The following RAPGEF5 variants were observed in gnomAD, a reference collection of about 807,000 sequenced individuals.
RAPGEF5 encodes the protein M-Ras-regulated GEF.
Under a neutral mutation model 125.2 loss-of-function variants are expected in RAPGEF5, and 65 were observed. That is an observed-to-expected ratio of 0.52 (90% CI 0.43 to 0.64). The LOEUF is 0.64. RAPGEF5 is among the 30% of genes least tolerant of loss of function. RAPGEF5 has a pLI of 0.00. For synonymous variants in RAPGEF5, 391 were observed against 385.9 expected (o/e 1.01, Z -0.16); for missense variants, 958 against 1,048.1 (o/e 0.91, Z 1.19).
intron 25 of RAPGEF5, among the ~76,000 whole-genome samples, chr7:22,123,367 G>T (rs1312417890): frequency 6.6e-6 from 1 of 152,160 alleles, no homozygotes; most frequent in Non-Finnish European, 1.5e-5. Context: ...ACCATTTGAG[G>T]CTGGGGAACA....
intron 7 of RAPGEF5, among the ~76,000 whole-genome samples, chr7:22,247,339 C>A (rs746340078): frequency 2.6e-5 from 4 of 152,188 alleles, no homozygotes; most frequent in African/African-American, 4.8e-5. Flanking sequence ...TTTGCTGCAT[C>A]CCCACCCAAA....
chr7:22,146,073 A>T (rs1783431185), intron 19 of RAPGEF5, among the ~76,000 whole-genome samples: 1 of 152,178 alleles, frequency 6.6e-6, no homozygotes, highest in African/African-American at 2.4e-5. Flanking sequence ...TTCCAAAGAC[A>T]CAAGTCATTT....
At chr7:22,306,343 A>C (rs4719690) in intron 5 of RAPGEF5, among the ~76,000 whole-genome samples, 40,640 of 152,072 alleles carry the variant, frequency 0.27, 6,104 homozygotes, top group East Asian at 0.67. Flanking sequence ...CCTTTTCATA[A>C]ACCTGTTTGT....
At chr7:22,302,848 A>G (rs908458103) in intron 5 of RAPGEF5, among the ~76,000 whole-genome samples, 16 of 151,306 alleles carry the variant, frequency 1.1e-4, no homozygotes, top group Non-Finnish European at 2.2e-4. Flanking sequence ...CACTTAGAGA[A>G]AAACAAAGAA....
At position 22,121,440 on chromosome 7, in the gene RAPGEF5, T is replaced by G. The variant is rs2128095546; in HGVS notation, c.*966A>C. On this transcript the variant is annotated 3_prime_UTR_variant, in exon 26 of 26. Coordinates refer to ENST00000665637, the MANE Select transcript of RAPGEF5 (RefSeq NM_012294.5). The stretch of plus-strand genomic sequence containing the variant: ...TGTCACTTAACCTCCCTGCACTGGC[T>G]GCTGTCATTCCATAGTGTGGGCAAG... The G allele has an allele frequency of 6.6e-6, 1 of 152,326 alleles. No individual in the cohort carries two copies. Among genetic ancestry groups the G allele is most frequent in the East Asian group, 1.9e-4 (1 of 5,184 alleles). 9.4% of individuals were successfully genotyped at this position (152,326 alleles called of 1,614,324 possible). A position where few individuals can be genotyped will look rare whatever the true frequency, so the allele number is the denominator to read the frequency against.
chr7:22,346,660 A>G (rs1784230463), intron 1 of RAPGEF5, among the ~76,000 whole-genome samples: 1 of 152,216 alleles, frequency 6.6e-6, no homozygotes, highest in Non-Finnish European at 1.5e-5. Context: ...ATTCAACTGA[A>G]CAACAAAACC....
At chr7:22,165,547 TCC>T in intron 12 of RAPGEF5, among the ~76,000 whole-genome samples, 1 of 152,294 alleles carries the variant, frequency 6.6e-6, no homozygotes, top group South Asian at 2.1e-4. Context: ...ATTGAAACTT[TCC>T]AAATTCAAAA....
At chr7:22,238,362 G>T (rs1178007748) in intron 7 of RAPGEF5, among the ~76,000 whole-genome samples, 2 of 152,162 alleles carry the variant, frequency 1.3e-5, no homozygotes, top group African/African-American at 4.8e-5. Context: ...TTGACAAATT[G>T]TAGTTGTGTT....
Position 22,233,138 on chromosome 7 carries a change from G to C in RAPGEF5, c.797-2219C>G, listed in dbSNP as rs1009444566. Among the ~76,000 whole-genome samples, 3 of 152,086 alleles carry C rather than the reference G, an allele frequency of 2.0e-5. No homozygotes were observed. The East Asian group carries it at 5.8e-4, about 29-fold the overall frequency. On this transcript the variant is annotated intron_variant, in intron 7 of 25. Coordinates refer to ENST00000665637, the MANE Select transcript of RAPGEF5 (RefSeq NM_012294.5). ...ACTATAAAGGGAAAAATAAAACATA[G>C]AATAACATCCTAAATTCCACTTAAA... is the stretch of plus-strand genomic sequence containing the variant.
Position 22,233,529 on chromosome 7 carries a change from T to G in RAPGEF5, c.797-2610A>C, listed in dbSNP as rs867977512. On this transcript the variant is annotated intron_variant, in intron 7 of 25. Coordinates refer to ENST00000665637, the MANE Select transcript of RAPGEF5 (RefSeq NM_012294.5). Reference sequence around the variant, plus strand: ...AGGACACTAAATAATAATTTCAGATTGACAGTTAACACACTTTTTTAGAGG... The same window carrying G: ...AGGACACTAAATAATAATTTCAGATGGACAGTTAACACACTTTTTTAGAGG... Among the ~76,000 whole-genome samples the G allele has an allele frequency of 1.2e-4, 18 of 152,284 alleles. 1 individual carries two copies. In the South Asian group the frequency reaches 3.5e-3, roughly 30 times the overall value.
intron 9 of RAPGEF5, 117 bp downstream of exon 9, chr7:22,219,749 A>G: frequency 7.3e-7 from 1 of 1,373,632 alleles, no homozygotes; most frequent in African/African-American, 1.5e-5. Context: ...TTGGGGGGAA[A>G]AAAACCCCCA....
chr7:22,259,744 T>C (rs1782099837), intron 7 of RAPGEF5, among the ~76,000 whole-genome samples: 1 of 152,238 alleles, frequency 6.6e-6, no homozygotes, highest in Admixed American at 6.5e-5. Flanking sequence ...AGGCTACGTA[T>C]TGTACGATTC....
chr7:22,234,484 T>TA (rs1226257767), intron 7 of RAPGEF5, among the ~76,000 whole-genome samples: 1 of 152,184 alleles, frequency 6.6e-6, no homozygotes, highest in Admixed American at 6.5e-5. Flanking sequence ...ACCATCTCCT[T>TA]ATCTCTCAAC....
Position 22,194,049 on chromosome 7 carries a change from G to C in RAPGEF5, c.997-16C>G. On this transcript the variant is annotated splice_polypyrimidine_tract_variant and intron_variant, in intron 9 of 25. Coordinates refer to ENST00000665637, the MANE Select transcript of RAPGEF5 (RefSeq NM_012294.5). The stretch of plus-strand genomic sequence containing the variant: ...CATCATCTTGCTTTAATTGTGGACA[G>C]GGATGATGGATGAGAGAAGGAAAAA... 1.3e-6 allele frequency: 2 copies of C among 1,592,070 alleles called. No individual in the cohort carries two copies. Among genetic ancestry groups the C allele is most frequent in the South Asian group, 1.1e-5 (1 of 88,778 alleles).
chr7:22,156,653 A>G (rs1783817526), intron 16 of RAPGEF5, among the ~76,000 whole-genome samples, 157 bp downstream of exon 16: 1 of 152,184 alleles, frequency 6.6e-6, no homozygotes, highest in South Asian at 2.1e-4. Context: ...ATAATGCTCA[A>G]ATAAAGAAAA....
chr7:22,289,385 C>A (rs922362403), intron 6 of RAPGEF5, among the ~76,000 whole-genome samples: 10 of 152,144 alleles, frequency 6.6e-5, no homozygotes, highest in African/African-American at 2.4e-4. Flanking sequence ...TGCTGAATGA[C>A]CTTAGGCAAG....
chr7:22,125,786 G>A lies in RAPGEF5; in HGVS notation c.2482-128C>T, dbSNP rs115722337. On this transcript the variant is annotated intron_variant, in intron 24 of 25. Transcript: ENST00000665637. Reference sequence around the variant, plus strand: ...GTAATAAAGAGAAGAACTGTATTTGGAGCTGGATGTAGCTTTGATTCTATG... The same window carrying A: ...GTAATAAAGAGAAGAACTGTATTTGAAGCTGGATGTAGCTTTGATTCTATG... 3,979 of 856,388 alleles carry A rather than the reference G, an allele frequency of 4.6e-3. 115 individuals carry two copies. The African/African-American group carries it at 0.058, about 13-fold the overall frequency. The allele number at this position is 856,388 out of a possible 1,614,324, so 53.0% of individuals were successfully genotyped here.
intron 1 of RAPGEF5, among the ~76,000 whole-genome samples, chr7:22,330,315 G>C (rs757376978): frequency 2.0e-5 from 3 of 152,220 alleles, no homozygotes; most frequent in Non-Finnish European, 4.4e-5. Context: ...TTTCTGCCCA[G>C]TGAAGTCCAT....
At chr7:22,228,664 C>T (rs989615155) in intron 8 of RAPGEF5, among the ~76,000 whole-genome samples, 7 of 136,050 alleles carry the variant, frequency 5.1e-5, no homozygotes, top group South Asian at 2.7e-4. Context: ...CCTGCTACCA[C>T]GCCCAGCTAA....
Sources: gnomAD v4.1 joint callset for allele counts (sites outside exome capture counted in the v4.1 genomes callset) on GRCh38, gnomAD v4.1.1 for gene constraint, MANE v1.5 for transcripts, NCBI Gene and HGNC (gene_info 2026-07-23, HGNC 2026-07-21) for gene names.